Variants in ZMYND12 observed in about 807,000 individuals in gnomAD.
ZMYND12 encodes the protein zinc finger MYND-type containing 12.
A neutral mutation model predicts 41.7 loss-of-function variants in ZMYND12; 32 were observed. That is an observed-to-expected ratio of 0.77 (90% CI 0.58 to 1.03). ZMYND12 has a LOEUF of 1.03. ZMYND12 is among the 50% of genes least tolerant of loss of function. The pLI is 0.00. For missense variants in ZMYND12, 424 were observed against 438.5 expected (o/e 0.97, Z 0.30); for synonymous variants, 148 against 164.8 (o/e 0.90, Z 0.78).
At chr1:42,446,560 G>A (rs1208837718) in intron 3 of ZMYND12, among the ~76,000 whole-genome samples, 3 of 151,698 alleles carry the variant, frequency 2.0e-5, no homozygotes, top group African/African-American at 7.3e-5. Flanking sequence ...GCTGAGGCAG[G>A]AGAATTGCTT....
At chr1:42,435,414 A>C in intron 5 of ZMYND12, 29 bp from the exon 6 acceptor site, 1 of 1,557,496 alleles carries the variant, frequency 6.4e-7, no homozygotes, top group East Asian at 2.2e-5. Flanking sequence ...GTAATACAAC[A>C]AGCAGGCCAG....
intron 3 of ZMYND12, among the ~76,000 whole-genome samples, chr1:42,440,947 C>T (rs779445662): frequency 1.3e-5 from 2 of 151,988 alleles, no homozygotes; most frequent in Non-Finnish European, 1.5e-5. Context: ...GGAATACAGG[C>T]GTGAGACACT....
intron 7 of ZMYND12, 54 bp downstream of exon 7, chr1:42,433,089 C>G: frequency 1.3e-6 from 2 of 1,599,412 alleles, no homozygotes; most frequent in Non-Finnish European, 1.7e-6. Context: ...TTGAGTTCAA[C>G]TAGTTGAATT....
rs774539624 is a variant in ZMYND12, at chr1:42,440,018, G to A, written c.432C>T (p.Gly144=). 11 of 1,592,888 alleles carry A rather than the reference G, an allele frequency of 6.9e-6. No homozygotes were observed. The African/African-American group carries it at 1.5e-4, about 22-fold the overall frequency. ...LLLAEASLGL[G]RIVQAEEYLF... is the part of the protein sequence containing the mutation. ...GATATTCTTCAGCCTGAACGATTCG[G>A]CCCAGACCTGCCCAAAAGCAGAAAA... The change falls in exon 4 of 8, where the codon GGC becomes GGT. Residue 144 remains glycine (G), a synonymous_variant. Coordinates refer to ENST00000372565, the MANE Select transcript of ZMYND12 (RefSeq NM_032257.5).
chr1:42,430,607 G>A lies in ZMYND12; in HGVS notation c.*129C>T. The stretch of plus-strand genomic sequence containing the variant: ...TGTAAGAAAAAAATAACAGCTATGT[G>A]TGCAATCCCAGGGGAAGAGGGTGGA... On this transcript the variant is annotated 3_prime_UTR_variant, in exon 8 of 8. Coordinates refer to ENST00000372565, the MANE Select transcript of ZMYND12 (RefSeq NM_032257.5). 2 of 1,233,856 alleles carry A rather than the reference G, an allele frequency of 1.6e-6. No individual in the cohort carries two copies. The highest frequency in any genetic ancestry group is 3.1e-5 in the South Asian group (2 of 64,476). The allele number at this position is 1,233,856 out of a possible 1,614,324, so 76.4% of individuals were successfully genotyped here. A position where few individuals can be genotyped will look rare whatever the true frequency, so the allele number is the denominator to read the frequency against.
At chr1:42,439,266 T>G (rs1333869751) in intron 4 of ZMYND12, among the ~76,000 whole-genome samples, 1 of 131,418 alleles carries the variant, frequency 7.6e-6, no homozygotes, top group African/African-American at 2.9e-5. Flanking sequence ...CCCTTCTCTC[T>G]CTCTCTTTTT....
chr1:42,452,529 C>T (rs1035411377), intron 1 of ZMYND12, among the ~76,000 whole-genome samples: 9 of 152,008 alleles, frequency 5.9e-5, no homozygotes, highest in Non-Finnish European at 1.2e-4. Flanking sequence ...GGTGAAACAC[C>T]GTCTCTACTA....
At chr1:42,432,011 C>G (rs996896041) in intron 7 of ZMYND12, among the ~76,000 whole-genome samples, 1 of 151,998 alleles carries the variant, frequency 6.6e-6, no homozygotes, top group Non-Finnish European at 1.5e-5. Flanking sequence ...TCTCTCTCCC[C>G]CTGCCAACTG....
chr1:42,449,612 C>T (rs1301834291), intron 2 of ZMYND12, among the ~76,000 whole-genome samples: 1 of 152,182 alleles, frequency 6.6e-6, no homozygotes, highest in Admixed American at 6.5e-5. Flanking sequence ...TCAGAAGAAA[C>T]CAAACCTGCT....
chr1:42,433,877 A>G (rs1392755729), intron 6 of ZMYND12, among the ~76,000 whole-genome samples: 1 of 152,242 alleles, frequency 6.6e-6, no homozygotes, highest in East Asian at 1.9e-4. Context: ...CACTTATACA[A>G]GTACTAAGCT....
chr1:42,444,581 C>T (rs1010746870), intron 3 of ZMYND12, among the ~76,000 whole-genome samples: 6 of 152,118 alleles, frequency 3.9e-5, no homozygotes, highest in Non-Finnish European at 7.4e-5. Context: ...CACATACTTA[C>T]ACAGTGCTCA....
Position 42,448,868 on chromosome 1 carries a change from C to T in ZMYND12, c.253-230G>A, listed in dbSNP as rs368754891. Among the ~76,000 whole-genome samples, 9 of 152,292 alleles carry T rather than the reference C, an allele frequency of 5.9e-5. No individual in the cohort carries two copies. The East Asian group carries it at 1.4e-3, about 23-fold the overall frequency. On this transcript the variant is annotated intron_variant, in intron 2 of 7. Transcript: ENST00000372565. ...CATGTGTATTTTCATCTTAGTTCAGCGCTTGGCATAGATGAATGCTCAATA... is the reference window on the plus strand; with the variant it reads ...CATGTGTATTTTCATCTTAGTTCAGTGCTTGGCATAGATGAATGCTCAATA...
At position 42,433,146 on chromosome 1, in the gene ZMYND12, TGAA is replaced by T; in HGVS notation, c.969_971del (p.Ser324del). ...TTGCTTTTTTAGGGAAACTTGCCTT[TGAA>T]GAATTCATCATCAGGTAGTAAAACA... On this transcript the variant is annotated inframe_deletion, in exon 7 of 8. Transcript: ENST00000372565. 1 of 1,606,618 alleles carries T rather than the reference TGAA, an allele frequency of 6.2e-7. No individual in the cohort carries two copies. Among genetic ancestry groups the T allele is most frequent in the Middle Eastern group, 1.7e-4 (1 of 6,050 alleles).
Position 42,436,272 on chromosome 1 carries a change from G to C in ZMYND12, c.717+149C>G, listed in dbSNP as rs912157386. 3.0e-6 allele frequency: 3 copies of C among 1,012,500 alleles called. No homozygotes were observed. The African/African-American group carries it at 4.9e-5, about 16-fold the overall frequency. The allele number at this position is 1,012,500 out of a possible 1,614,324, so 62.7% of individuals were successfully genotyped here. Reference sequence around the variant, plus strand: ...GAAGAAAGAAAATGGAGTATATCATGTATCAGGCTATATAGTCTTGGGCAA... The same window carrying C: ...GAAGAAAGAAAATGGAGTATATCATCTATCAGGCTATATAGTCTTGGGCAA... On this transcript the variant is annotated intron_variant, in intron 5 of 7. Coordinates refer to ENST00000372565, the MANE Select transcript of ZMYND12 (RefSeq NM_032257.5).
At chr1:42,448,342 G>T (rs1477830375) in intron 3 of ZMYND12, 125 bp downstream of exon 3, 3 of 1,164,688 alleles carry the variant, frequency 2.6e-6, no homozygotes, top group Non-Finnish European at 3.4e-6. Flanking sequence ...AAACTTTACA[G>T]CAACCCTGCT....
intron 3 of ZMYND12, among the ~76,000 whole-genome samples, chr1:42,447,331 C>G (rs1643034783): frequency 6.6e-6 from 1 of 152,134 alleles, no homozygotes; most frequent in South Asian, 2.1e-4. Flanking sequence ...ATCAGACAAA[C>G]TCAAATTGAG....
At chr1:42,447,719 C>T (rs1038904070) in intron 3 of ZMYND12, among the ~76,000 whole-genome samples, 2 of 152,080 alleles carry the variant, frequency 1.3e-5, no homozygotes, top group Non-Finnish European at 1.5e-5. Flanking sequence ...AACAGTTTTA[C>T]TTTTAAAAAA....
In ZMYND12 at chr1:42,450,742, A is replaced by C. The variant is rs545570907; in HGVS notation, c.111-683T>G. Among the ~76,000 whole-genome samples, 10 of 152,254 alleles carry C rather than the reference A, an allele frequency of 6.6e-5. No homozygotes were observed. The South Asian group carries it at 2.1e-3, about 32-fold the overall frequency. On this transcript the variant is annotated intron_variant, in intron 1 of 7. Coordinates refer to ENST00000372565, the MANE Select transcript of ZMYND12 (RefSeq NM_032257.5). ...ATATGAGTACTAAATTCATACAGTA[A>C]CCTCTGAGTACTGCTTTGCCAGCAT...
At chr1:42,454,592 T>C (rs1643125642) in intron 1 of ZMYND12, among the ~76,000 whole-genome samples, 1 of 152,186 alleles carries the variant, frequency 6.6e-6, no homozygotes, top group Non-Finnish European at 1.5e-5. Flanking sequence ...CTCAAAACCA[T>C]TCATGGTTTC....
Sources: allele counts gnomAD v4.1 joint callset (sites outside exome capture counted in the v4.1 genomes callset), GRCh38; gene constraint gnomAD v4.1.1; transcripts MANE v1.5; gene names NCBI Gene and HGNC (gene_info 2026-07-23, HGNC 2026-07-21).